Variants in TSPAN2 observed in about 807,000 individuals in gnomAD.
TSPAN2 encodes tetraspanin 2.
TSPAN2 carries 24 observed loss-of-function variants against 33.3 expected under a neutral mutation model. The observed-to-expected ratio is 0.72, with a 90% CI of 0.52 to 1.01. The LOEUF (loss-of-function observed/expected upper bound fraction) is 1.01. Ranked by LOEUF, TSPAN2 falls within the 50% of genes least tolerant of loss-of-function variation. The pLI, the probability that TSPAN2 is intolerant of heterozygous loss-of-function variation, is 0.00. For missense variants in TSPAN2, 278 were observed against 281.3 expected (o/e 0.99, Z 0.08); for synonymous variants, 114 against 104.5 (o/e 1.09, Z -0.56).
chr1:115,053,276 TGAGAA>T, intron 7 of TSPAN2, 98 bp downstream of exon 7: 1 of 1,004,754 alleles, frequency 1.0e-6, no homozygotes, highest in Admixed American at 2.4e-5. Flanking sequence ...TTTTTCTTTA[TGAGAA>T]TTCTCTCTTA....
At chr1:115,072,419 G>A (rs928815099) in intron 2 of TSPAN2, among the ~76,000 whole-genome samples, 7 of 152,088 alleles carry the variant, frequency 4.6e-5, no homozygotes, top group Non-Finnish European at 1.0e-4. Flanking sequence ...TGTATTTTGA[G>A]TTATGTTTTT....
At position 115,062,123 on chromosome 1, in the gene TSPAN2, C is replaced by T. The variant is rs369997060; in HGVS notation, c.270+12G>A. Reference sequence around the variant, plus strand: ...ACCCCCACCCCACCATTTACCCCCTCGCCCCACTTACTGATCCAAGCACAC... The same window carrying T: ...ACCCCCACCCCACCATTTACCCCCTTGCCCCACTTACTGATCCAAGCACAC... On this transcript the variant is annotated intron_variant, in intron 3 of 7. Coordinates refer to ENST00000369516, the MANE Select transcript of TSPAN2 (RefSeq NM_005725.6). The T allele has an allele frequency of 3.8e-5, 59 of 1,562,624 alleles. No individual in the cohort carries two copies. The highest frequency in any genetic ancestry group is 9.5e-5 in the African/African-American group (7 of 73,964).
At chr1:115,054,769 C>T (rs1647330155) in intron 6 of TSPAN2, among the ~76,000 whole-genome samples, 1 of 152,094 alleles carries the variant, frequency 6.6e-6, no homozygotes, top group South Asian at 2.1e-4. Context: ...CGTGGATCAC[C>T]TAAGGTCAGG....
chr1:115,051,980 C>T (rs1408163520), intron 7 of TSPAN2, among the ~76,000 whole-genome samples: 1 of 152,244 alleles, frequency 6.6e-6, no homozygotes, highest in Non-Finnish European at 1.5e-5. Flanking sequence ...CCCTACCCAT[C>T]CTGGTTTCAG....
intron 2 of TSPAN2, among the ~76,000 whole-genome samples, chr1:115,064,746 T>A (rs1378401149): frequency 6.6e-6 from 1 of 152,128 alleles, no homozygotes; most frequent in African/African-American, 2.4e-5. Context: ...TCAGCAAACA[T>A]CCACAAAGCA....
chr1:115,056,462 T>C (rs1002418413), intron 6 of TSPAN2, among the ~76,000 whole-genome samples: 3 of 152,206 alleles, frequency 2.0e-5, no homozygotes, highest in African/African-American at 7.2e-5. Context: ...CTTCTTAGGC[T>C]TTCAGTTCCC....
intron 1 of TSPAN2, among the ~76,000 whole-genome samples, chr1:115,077,752 A>AT (rs919462445): frequency 6.6e-6 from 1 of 152,124 alleles, no homozygotes; most frequent in Admixed American, 6.5e-5. Flanking sequence ...TTGAGGACAT[A>AT]TTTTTTCATT....
intron 1 of TSPAN2, among the ~76,000 whole-genome samples, chr1:115,083,816 T>G (rs1648727577): frequency 6.6e-6 from 1 of 152,112 alleles, no homozygotes; most frequent in Admixed American, 6.5e-5. Context: ...CTTAACTCTA[T>G]TAGGTACTGA....
intron 2 of TSPAN2, among the ~76,000 whole-genome samples, chr1:115,070,687 C>T (rs986968067): frequency 6.6e-6 from 1 of 151,962 alleles, no homozygotes; most frequent in Non-Finnish European, 1.5e-5. Flanking sequence ...CCCCATTTTT[C>T]CTCTTCTCCA....
intron 6 of TSPAN2, among the ~76,000 whole-genome samples, chr1:115,055,952 T>C (rs1647403267): frequency 6.6e-6 from 1 of 152,236 alleles, no homozygotes; most frequent in Non-Finnish European, 1.5e-5. Context: ...CACAAAAACG[T>C]CTGTCTGCAT....
rs1675202326 is a variant in TSPAN2 at position 115,048,060 on chromosome 1, T to C, written c.*2430A>G. ...TGAAATCACTTAAAATATTTCAACA[T>C]TAAGAAGTCTTAATTCAGTGCCTTG... is the stretch of plus-strand genomic sequence containing the variant. On this transcript the variant is annotated 3_prime_UTR_variant, in exon 8 of 8. Coordinates refer to ENST00000369516, the MANE Select transcript of TSPAN2 (RefSeq NM_005725.6). 6.6e-6 allele frequency: 1 copy of C among 151,932 alleles called. No homozygotes were observed. Among genetic ancestry groups the C allele is most frequent in the South Asian group, 2.1e-4 (1 of 4,828 alleles). The allele number at this position is 151,932 out of a possible 1,614,324, so 9.4% of individuals were successfully genotyped here. A position where few individuals can be genotyped will look rare whatever the true frequency, so the allele number is the denominator to read the frequency against.
At chr1:115,070,999 T>C (rs1388457225) in intron 2 of TSPAN2, among the ~76,000 whole-genome samples, 2 of 152,196 alleles carry the variant, frequency 1.3e-5, no homozygotes, top group African/African-American at 4.8e-5. Context: ...CAAATGTCCT[T>C]GCCCTGTGCA....
intron 3 of TSPAN2, among the ~76,000 whole-genome samples, chr1:115,060,883 C>T (rs11102879): frequency 0.32 from 48,529 of 152,082 alleles, 8,187 homozygotes; most frequent in South Asian, 0.51. Flanking sequence ...CTGGCACCTA[C>T]GTGCTTAGTA....
intron 2 of TSPAN2, among the ~76,000 whole-genome samples, chr1:115,072,178 C>T (rs930299797): frequency 3.3e-5 from 5 of 152,118 alleles, no homozygotes; most frequent in African/African-American, 9.7e-5. Context: ...AATGCTCAGC[C>T]CCTACTAAGA....
intron 2 of TSPAN2, among the ~76,000 whole-genome samples, chr1:115,069,014 T>C (rs1346368516): frequency 6.6e-6 from 1 of 152,192 alleles, no homozygotes; most frequent in Non-Finnish European, 1.5e-5. Flanking sequence ...ATCCACAGCC[T>C]GTAGTTTCCT....
chr1:115,068,079 C>T (rs1393852650), intron 2 of TSPAN2, among the ~76,000 whole-genome samples: 2 of 152,206 alleles, frequency 1.3e-5, no homozygotes, highest in African/African-American at 4.8e-5. Context: ...CTCTCTTCTA[C>T]CCTTAGCAAC....
intron 1 of TSPAN2, among the ~76,000 whole-genome samples, chr1:115,077,798 G>T (rs764202016): frequency 5.3e-4 from 80 of 152,300 alleles, no homozygotes; most frequent in Non-Finnish European, 7.6e-4. Flanking sequence ...TGCAAACATG[G>T]TCCCTAGGCA....
intron 1 of TSPAN2, among the ~76,000 whole-genome samples, chr1:115,078,927 G>A (rs990942838): frequency 2.0e-5 from 3 of 152,186 alleles, no homozygotes; most frequent in Admixed American, 6.5e-5. Context: ...GTGTGAACAC[G>A]CTGTTGAATA....
chr1:115,077,842 G>T (rs1648475821), intron 1 of TSPAN2, among the ~76,000 whole-genome samples: 1 of 152,220 alleles, frequency 6.6e-6, no homozygotes, highest in Admixed American at 6.5e-5. Flanking sequence ...GTGCTGAGAT[G>T]CAAGAATGCA....
Sources: gnomAD v4.1 joint callset for allele counts (sites outside exome capture counted in the v4.1 genomes callset) on GRCh38, gnomAD v4.1.1 for gene constraint, MANE v1.5 for transcripts, NCBI Gene and HGNC (gene_info 2026-07-23, HGNC 2026-07-21) for gene names.